Variants in ALOX5 observed in about 807,000 individuals in gnomAD.
ALOX5 encodes the protein polyunsaturated fatty acid 5-lipoxygenase.
Under a neutral mutation model 87.9 loss-of-function variants are expected in ALOX5, and 64 were observed. The observed-to-expected ratio is 0.73, with a 90% CI of 0.60 to 0.90. ALOX5 has a LOEUF of 0.90. ALOX5 is among the 40% of genes least tolerant of loss of function. The pLI is 0.00. For synonymous variants in ALOX5, 388 were observed against 355.1 expected (o/e 1.09, Z -1.04); for missense variants, 822 against 907.5 (o/e 0.91, Z 1.21).
chr10:45,419,833 G>A lies in ALOX5; in HGVS notation c.555-4208G>A, dbSNP rs555061321. Among the ~76,000 whole-genome samples the A allele has an allele frequency of 2.0e-5, 3 of 152,354 alleles. No individual in the cohort carries two copies. The East Asian group carries it at 5.8e-4, about 29-fold the overall frequency. On this transcript the variant is annotated intron_variant, in intron 4 of 13. Coordinates refer to ENST00000374391, the MANE Select transcript of ALOX5 (RefSeq NM_000698.5). ...AGGAGAGAAGGGCCCTGAGCTCAGTGGACGGGCAGGGTGCCTGTGGAGGAA... is the reference window on the plus strand; with the variant it reads ...AGGAGAGAAGGGCCCTGAGCTCAGTAGACGGGCAGGGTGCCTGTGGAGGAA...
In ALOX5 at chr10:45,425,057, C is replaced by G. The variant is rs760558754; in HGVS notation, c.759C>G (p.Pro253=). The change falls in exon 6 of 14, where the codon CCC becomes CCG. Residue 253 remains proline, a synonymous_variant. Coordinates refer to ENST00000374391, the MANE Select transcript of ALOX5 (RefSeq NM_000698.5). The surrounding 1 kb of genome is among the most constrained non-coding windows in gnomAD (Gnocchi z 4.4). The part of the protein sequence containing the change: ...PVLIRRCTEL[P]EKLPVTTEMV... ...TGATCCGGCGCTGCACAGAGCTGCC[C>G]GAGAAGCTCCCGGTGACCACGGAGA... is the stretch of plus-strand genomic sequence containing the variant. 1.2e-6 allele frequency: 2 copies of G among 1,613,496 alleles called. No homozygotes were observed. Among genetic ancestry groups the G allele is most frequent in the Non-Finnish European group, 1.7e-6 (2 of 1,179,832 alleles).
intron 4 of ALOX5, among the ~76,000 whole-genome samples, chr10:45,416,316 G>C (rs1170827287): frequency 2.0e-5 from 3 of 152,166 alleles, no homozygotes; most frequent in African/African-American, 4.8e-5. Flanking sequence ...ATCCAGGTCT[G>C]TTTGTGTCCA....
At chr10:45,438,367 C>T (rs1354140590) in intron 7 of ALOX5, among the ~76,000 whole-genome samples, 1 of 152,160 alleles carries the variant, frequency 6.6e-6, no homozygotes, top group African/African-American at 2.4e-5. Flanking sequence ...AGTTTCCCCC[C>T]ATGTAAAATG....
intron 2 of ALOX5, among the ~76,000 whole-genome samples, chr10:45,386,300 CAAAAAAAA>C (rs56924533): frequency 8.0e-6 from 1 of 124,496 alleles, no homozygotes; most frequent in Non-Finnish European, 1.8e-5. Flanking sequence ...GACTCTGTCT[CAAAAAAAA>C]AAAAAAAATT....
At chr10:45,445,422 TG>T in intron 13 of ALOX5, 85 bp from the exon 14 acceptor site, 2 of 1,480,098 alleles carry the variant, frequency 1.4e-6, no homozygotes, top group Non-Finnish European at 1.8e-6. Flanking sequence ...TCCCAAACGG[TG>T]GCTGGCCCCT....
intron 4 of ALOX5, among the ~76,000 whole-genome samples, chr10:45,423,617 C>T (rs1199421991): frequency 6.6e-6 from 1 of 152,186 alleles, no homozygotes; most frequent in East Asian, 1.9e-4. Context: ...AAACACGGAG[C>T]CATTTAGCAG....
chr10:45,439,771 T>A (rs563347948), intron 7 of ALOX5, among the ~76,000 whole-genome samples: 1 of 152,276 alleles, frequency 6.6e-6, no homozygotes, highest in South Asian at 2.1e-4. Context: ...AGAAAAAAAC[T>A]CACCTTGTCC....
intron 3 of ALOX5, among the ~76,000 whole-genome samples, chr10:45,402,092 A>AAAAG (rs1377184542): frequency 6.7e-6 from 1 of 148,580 alleles, no homozygotes; most frequent in Non-Finnish European, 1.5e-5. Flanking sequence ...GTCTCAAAAA[A>AAAAG]AAAAAAAAAA....
intron 2 of ALOX5, among the ~76,000 whole-genome samples, chr10:45,388,299 C>G (rs2132692640): frequency 6.6e-6 from 1 of 152,036 alleles, no homozygotes; most frequent in African/African-American, 2.4e-5. Context: ...GCAGAAACCT[C>G]TGCAGACTTA....
At chr10:45,426,602 C>T (rs916858471) in intron 6 of ALOX5, among the ~76,000 whole-genome samples, 5 of 152,210 alleles carry the variant, frequency 3.3e-5, no homozygotes, top group Non-Finnish European at 1.5e-5. Flanking sequence ...ATTCAGTGTT[C>T]CAGCTCAAGT....
intron 2 of ALOX5, among the ~76,000 whole-genome samples, chr10:45,389,567 C>A (rs928229323): frequency 1.3e-5 from 2 of 152,228 alleles, no homozygotes; most frequent in South Asian, 2.1e-4. Flanking sequence ...GAATTTTCAA[C>A]CCAGAATTTC....
chr10:45,403,316 C>G (rs1284738009), intron 3 of ALOX5, among the ~76,000 whole-genome samples: 1 of 152,224 alleles, frequency 6.6e-6, no homozygotes, highest in African/African-American at 2.4e-5. Context: ...ACAAACCTCA[C>G]TGACGCAGTG....
chr10:45,414,085 T>C (rs534768099), intron 4 of ALOX5, among the ~76,000 whole-genome samples: 4 of 152,314 alleles, frequency 2.6e-5, no homozygotes, highest in Admixed American at 6.5e-5. Context: ...TGGGAAAAAC[T>C]ACTTTAAAGT....
At position 45,443,479 on chromosome 10, in the gene ALOX5, G is replaced by A. The variant is rs925980915; in HGVS notation, c.1515G>A (p.Glu505=). ...EGDQVVEEDP[E]LQDFVNDVYV... ...ACCAGGTGGTGGAGGAGGACCCGGA[G>A]CTGCAGGACTTCGTGAACGATGTCT... is the stretch of plus-strand genomic sequence containing the variant. Residue 505 remains glutamate (E), a synonymous_variant, in exon 11 of 14, where the codon GAG becomes GAA. Transcript: ENST00000374391. 2 of 1,613,208 alleles carry A rather than the reference G, an allele frequency of 1.2e-6. No homozygotes were observed. Among genetic ancestry groups the A allele is most frequent in the South Asian group, 1.1e-5 (1 of 91,042 alleles).
chr10:45,444,038 G>A (rs1201794643), intron 12 of ALOX5, 78 bp from the exon 13 acceptor site: 44 of 1,470,312 alleles, frequency 3.0e-5, no homozygotes, highest in Non-Finnish European at 3.6e-5. Context: ...TGGGGGGCAC[G>A]GGGAGGACGG....
chr10:45,445,392 T>G (rs1842404520), intron 13 of ALOX5, 116 bp from the exon 14 acceptor site: 1 of 1,281,592 alleles, frequency 7.8e-7, no homozygotes, highest in Non-Finnish European at 1.1e-6. Flanking sequence ...GGGAGGTGAA[T>G]AGATGCTCCC....
chr10:45,443,835 A>G lies in ALOX5; in HGVS notation c.1674+7A>G, dbSNP rs563955171. The G allele has an allele frequency of 6.3e-7, 1 of 1,597,696 alleles. No homozygotes were observed. The highest frequency in any genetic ancestry group is 1.3e-5 in the African/African-American group (1 of 74,456). The stretch of plus-strand genomic sequence containing the variant: ...CGCGGTCAACTTCGGCCAGGTAGGC[A>G]GGGCCGGGCCCGCTGGGCAGGGCTC... On this transcript the variant is annotated splice_region_variant and intron_variant, in intron 12 of 13. Transcript: ENST00000374391.
chr10:45,419,305 CG>C (rs112963802), intron 4 of ALOX5, among the ~76,000 whole-genome samples: 42,754 of 151,942 alleles, frequency 0.28, 6,610 homozygotes, highest in African/African-American at 0.41. Flanking sequence ...GGCACCCGGC[CG>C]GGGGGGTCAT....
intron 2 of ALOX5, among the ~76,000 whole-genome samples, chr10:45,386,879 G>A (rs1312884890): frequency 2.0e-5 from 3 of 152,072 alleles, no homozygotes; most frequent in African/African-American, 4.8e-5. Context: ...AAGCAGCCCC[G>A]CCCTTAGCTA....
Sources: allele counts gnomAD v4.1 joint callset (sites outside exome capture counted in the v4.1 genomes callset), GRCh38; gene constraint gnomAD v4.1.1; non-coding constraint Gnocchi (gnomAD v3.1); transcripts MANE v1.5; gene names NCBI Gene and HGNC (gene_info 2026-07-23, HGNC 2026-07-21).